Variants in CLCN5 observed in about 807,000 individuals in gnomAD.
CLCN5 encodes the protein Cl-/H+ antiporter 5, also known as H(+)/Cl(-) exchange transporter 5.
A neutral mutation model predicts 54.0 loss-of-function variants in CLCN5; 17 were observed. That is an observed-to-expected ratio of 0.31 (90% CI 0.22 to 0.47). The LOEUF is 0.47. CLCN5 is among the 20% of genes least tolerant of loss of function. The pLI is 1.00. For synonymous variants in CLCN5, 222 were observed against 233.0 expected, an observed-to-expected ratio of 0.95 and a Z score of 0.43; for missense variants, 448 against 646.7, an observed-to-expected ratio of 0.69 and a Z score of 3.33.
chrX:50,005,589 T>A (rs1001859756), intron 3 of CLCN5, among the ~76,000 whole-genome samples: 4 of 111,924 alleles, frequency 3.6e-5, no homozygotes, highest in Non-Finnish European at 5.6e-5. Flanking sequence ...GAGGATTTTT[T>A]AAAAAAACTA....
At chrX:49,978,533 A>G (rs1411312365) in intron 3 of CLCN5, among the ~76,000 whole-genome samples, 1 of 112,483 alleles carries the variant, frequency 8.9e-6, no homozygotes, top group Non-Finnish European at 1.9e-5. Flanking sequence ...AGCATGTCTA[A>G]GATTTCTTCT....
chrX:49,929,842 A>G (rs1557168596), intron 3 of CLCN5, among the ~76,000 whole-genome samples: 2 of 107,001 alleles, frequency 1.9e-5, no homozygotes, highest in South Asian at 4.0e-4. Flanking sequence ...GACTATATAT[A>G]TAATCTTGGG....
chrX:50,003,720 A>C, intron 3 of CLCN5: 1 of 270,797 alleles, frequency 3.7e-6, no homozygotes, highest in Admixed American at 4.1e-5. Context: ...TCAGTCTTAC[A>C]TGGATCCTGC....
chrX:49,934,830 T>C (rs1350335860), intron 3 of CLCN5, among the ~76,000 whole-genome samples: 1 of 111,807 alleles, frequency 8.9e-6, no homozygotes, highest in African/African-American at 3.3e-5. Flanking sequence ...GTTGACATCT[T>C]CTGGCCAAAA....
At chrX:49,958,115 A>T (rs960847112) in intron 3 of CLCN5, among the ~76,000 whole-genome samples, 2 of 111,656 alleles carry the variant, frequency 1.8e-5, no homozygotes, top group African/African-American at 6.5e-5. Context: ...TTATATAGCC[A>T]CATCCCTTCC....
chrX:50,069,497 T>C, intron 4 of CLCN5: 1 of 764,477 alleles, frequency 1.3e-6, no homozygotes, highest in Non-Finnish European at 1.5e-6. Flanking sequence ...TGTAAAATGG[T>C]TCTTGATGTG....
At chrX:49,960,505 C>G (rs1331700839) in intron 3 of CLCN5, among the ~76,000 whole-genome samples, 1 of 108,728 alleles carries the variant, frequency 9.2e-6, no homozygotes, top group Non-Finnish European at 1.9e-5. Flanking sequence ...CCAGCTTCCC[C>G]TCAGCAGGTA....
intron 3 of CLCN5, among the ~76,000 whole-genome samples, chrX:49,963,101 G>A (rs1282271760): frequency 8.9e-6 from 1 of 112,065 alleles, no homozygotes; most frequent in Non-Finnish European, 1.9e-5. Flanking sequence ...AAGAACAAGT[G>A]ACTCTGGGCA....
Position 50,075,250 on chromosome X carries a change from C to A in CLCN5, c.416-545C>A, listed in dbSNP as rs138218859. Among the ~76,000 whole-genome samples, 659 of 110,892 alleles carry A rather than the reference C, an allele frequency of 5.9e-3. 7 individuals are homozygous for A. Among genetic ancestry groups the A allele is most frequent in the African/African-American group, 0.02 (622 of 30,507 alleles). On this transcript the variant is annotated intron_variant, in intron 6 of 14. Coordinates refer to ENST00000376091, the MANE Select transcript of CLCN5 (RefSeq NM_001127898.4). ...CTCAAATTCCCTTGTCCATGGAGCA[C>A]AATCCTACTATTAAGGCTTAGCCCT...
In CLCN5 at chrX:49,937,781, G is replaced by C. The variant is rs148349042; in HGVS notation, c.16+12467G>C. On this transcript the variant is annotated intron_variant, in intron 3 of 14. Coordinates refer to ENST00000376091, the MANE Select transcript of CLCN5 (RefSeq NM_001127898.4). ...AATAGCTGTTTTTCTTGTTTGATTT[G>C]TTTAAATGTTGCAAGTGAATGCTAA... 4.1e-3 allele frequency among the ~76,000 whole-genome samples: 456 copies of C among 111,636 alleles called. 20 individuals are homozygous for C. In the East Asian group the frequency reaches 0.099, roughly 24 times the overall value.
At chrX:50,067,317 A>T (rs782783671) in intron 4 of CLCN5, among the ~76,000 whole-genome samples, 1 of 111,056 alleles carries the variant, frequency 9.0e-6, no homozygotes, top group African/African-American at 3.3e-5. Flanking sequence ...TCTCCCTTTT[A>T]TACTTAGGAC....
chrX:50,069,996 G>A lies in CLCN5; in HGVS notation c.281G>A (p.Arg94Lys). The part of the protein sequence containing the change: ...YDDFNTIDWV[R>K]EKSRDRDRHR... ...GATTTCAATACAATTGATTGGGTGA[G>A]AGAGAAGTCTCGAGACCGGGATAGG... Residue 94 changes from arginine (R) to lysine (K), a missense_variant, in exon 5 of 15, where the codon AGA becomes AAA. Around this residue, in one of 5 missense-constraint regions of CLCN5, gnomAD observed 1 missense variants for 16.3 expected, o/e 0.06. Coordinates refer to ENST00000376091, the MANE Select transcript of CLCN5 (RefSeq NM_001127898.4). The A allele has an allele frequency of 1.7e-6, 2 of 1,210,272 alleles. No homozygotes were observed. The highest frequency in any genetic ancestry group is 2.2e-6 in the Non-Finnish European group (2 of 894,814).
chrX:49,957,556 T>A (rs952107492), intron 3 of CLCN5, among the ~76,000 whole-genome samples: 10 of 111,690 alleles, frequency 9.0e-5, no homozygotes, highest in African/African-American at 3.3e-4. Context: ...GTTCCTAGCC[T>A]CGCCTGTTGG....
At chrX:50,034,480 T>C (rs1437181515) in intron 3 of CLCN5, among the ~76,000 whole-genome samples, 1 of 111,930 alleles carries the variant, frequency 8.9e-6, no homozygotes, top group East Asian at 2.8e-4. Context: ...CAGAATGCCA[T>C]GTATAGGTCA....
In CLCN5 at chrX:50,012,458, G is replaced by A. The variant is rs782438354; in HGVS notation, c.17-29858G>A. Among the ~76,000 whole-genome samples the A allele has an allele frequency of 3.7e-4, 42 of 112,401 alleles. No individual in the cohort carries two copies. The South Asian group carries it at 7.5e-3, about 20-fold the overall frequency. ...AGGAAAATCACCTGTGAGCCAGAGAGTGCTGTTTCTTTTGTACATACACAC... is the reference window on the plus strand; with the variant it reads ...AGGAAAATCACCTGTGAGCCAGAGAATGCTGTTTCTTTTGTACATACACAC... On this transcript the variant is annotated intron_variant, in intron 3 of 14. Coordinates refer to ENST00000376091, the MANE Select transcript of CLCN5 (RefSeq NM_001127898.4).
intron 3 of CLCN5, among the ~76,000 whole-genome samples, chrX:49,931,239 C>CTAT (rs1394530388): frequency 3.6e-5 from 4 of 111,030 alleles, no homozygotes; most frequent in Non-Finnish European, 7.5e-5. Flanking sequence ...TACATGGTAA[C>CTAT]TATTATTATT....
chrX:50,013,353 A>C (rs1557182967), intron 3 of CLCN5: 1 of 359,466 alleles, frequency 2.8e-6, no homozygotes. Context: ...TCTGCTGAAC[A>C]ATCCAAGTAG....
chrX:50,070,481 G>T lies in CLCN5; in HGVS notation c.315+451G>T, dbSNP rs919388565. ...TTTCCCATATAATCTCTCTTTTATGGTTTTTTCCTTAATGCAGGATATTCA... is the reference window on the plus strand; with the variant it reads ...TTTCCCATATAATCTCTCTTTTATGTTTTTTTCCTTAATGCAGGATATTCA... On this transcript the variant is annotated intron_variant, in intron 5 of 14. Transcript: ENST00000376091. Among the ~76,000 whole-genome samples, 3 of 111,524 alleles carry T rather than the reference G, an allele frequency of 2.7e-5. No homozygotes were observed. The East Asian group carries it at 8.4e-4, about 31-fold the overall frequency.
intron 3 of CLCN5, among the ~76,000 whole-genome samples, chrX:50,036,976 T>A (rs1252517148): frequency 6.2e-5 from 7 of 112,254 alleles, no homozygotes; most frequent in African/African-American, 2.3e-4. Context: ...TTGAGTGCTT[T>A]TTGTAGGTTT....
Sources: gnomAD v4.1 joint callset for allele counts (sites outside exome capture counted in the v4.1 genomes callset) on GRCh38, gnomAD v4.1.1 for gene constraint, gnomAD v4.1.1 regional missense constraint, MANE v1.5 for transcripts, NCBI Gene and HGNC (gene_info 2026-07-23, HGNC 2026-07-21) for gene names.